GALNT13: variants seen among roughly 807,000 people sequenced by gnomAD.
GALNT13 encodes the protein UDP-GalNAc:polypeptide N-acetylgalactosaminyltransferase 13.
Under a neutral mutation model 64.2 loss-of-function variants are expected in GALNT13, and 28 were observed. The observed-to-expected ratio is 0.44, with a 90% CI of 0.32 to 0.60. The LOEUF is 0.60. GALNT13 is among the 20% of genes least tolerant of loss of function. The pLI is 0.05. For synonymous variants in GALNT13, 214 were observed against 224.6 expected (o/e 0.95, Z 0.42); for missense variants, 577 against 669.8 (o/e 0.86, Z 1.53).
the GALNT13 span, among the ~76,000 whole-genome samples, chr2:153,483,749 T>A: frequency 6.6e-6 from 1 of 152,202 alleles, no homozygotes; most frequent in African/African-American, 2.4e-5. Context: ...TTACAACATG[T>A]ATGAACCTTG....
upstream of GALNT13, among the ~76,000 whole-genome samples, chr2:153,870,038 T>C (rs188027688): frequency 6.4e-4 from 98 of 152,070 alleles, no homozygotes; most frequent in Non-Finnish European, 1.1e-3. Context: ...CTAATAAGTA[T>C]GCCACACCAG....
At chr2:153,180,029 T>C in the GALNT13 span, among the ~76,000 whole-genome samples, 1 of 152,160 alleles carries the variant, frequency 6.6e-6, no homozygotes, top group African/African-American at 2.4e-5. Context: ...TTCTTTCTAT[T>C]GCGTAATTGC....
At chr2:153,668,242 A>G in the GALNT13 span, among the ~76,000 whole-genome samples, 1 of 151,992 alleles carries the variant, frequency 6.6e-6, no homozygotes, top group East Asian at 1.9e-4. Context: ...TAAACACAAC[A>G]CTTGACCAAG....
At chr2:154,190,955 T>C (rs919549471) in intron 4 of GALNT13, among the ~76,000 whole-genome samples, 3 of 152,230 alleles carry the variant, frequency 2.0e-5, no homozygotes, top group Non-Finnish European at 4.4e-5. Context: ...GTGTATCTTA[T>C]ACTTAATGGA....
chr2:153,697,100 A>G, the GALNT13 span, among the ~76,000 whole-genome samples: 12 of 152,160 alleles, frequency 7.9e-5, no homozygotes, highest in Admixed American at 1.3e-4. Context: ...CTGTGATTTC[A>G]GAGGTAGTTC....
chr2:154,287,570 A>G (rs1385846578), intron 8 of GALNT13: 1 of 234,274 alleles, frequency 4.3e-6, no homozygotes, highest in Admixed American at 4.8e-5. Flanking sequence ...TGCTTGTTCT[A>G]CTTGGCTGTT....
At chr2:153,697,642 G>A in the GALNT13 span, among the ~76,000 whole-genome samples, 1 of 152,328 alleles carries the variant, frequency 6.6e-6, no homozygotes, top group Non-Finnish European at 1.5e-5. Context: ...TGTGTGTCTG[G>A]AGCTTAGCAA....
the GALNT13 span, among the ~76,000 whole-genome samples, chr2:153,761,036 A>G: frequency 2.0e-5 from 3 of 152,130 alleles, no homozygotes; most frequent in Non-Finnish European, 2.9e-5. Flanking sequence ...AAGTATAGCT[A>G]ACCTTGGTCT....
intron 3 of GALNT13, among the ~76,000 whole-genome samples, chr2:154,034,470 G>A (rs1280582356): frequency 6.6e-6 from 1 of 152,124 alleles, no homozygotes; most frequent in Admixed American, 6.5e-5. Flanking sequence ...GCATACAAGA[G>A]CAATTTTGTT....
the GALNT13 span, among the ~76,000 whole-genome samples, chr2:153,259,989 T>G: frequency 6.6e-6 from 1 of 152,168 alleles, no homozygotes; most frequent in African/African-American, 2.4e-5. Flanking sequence ...TTTTTTTAAT[T>G]TGAGTTTACC....
At chr2:153,578,735 C>A in the GALNT13 span, among the ~76,000 whole-genome samples, 72 of 152,238 alleles carry the variant, frequency 4.7e-4, no homozygotes, top group African/African-American at 1.6e-3. Flanking sequence ...GTTGGCCGAG[C>A]AGTATGAATG....
chr2:154,122,169 C>A (rs1574543408), intron 3 of GALNT13, among the ~76,000 whole-genome samples: 1 of 151,748 alleles, frequency 6.6e-6, no homozygotes, highest in Middle Eastern at 3.4e-3. Context: ...GTTGAATCGG[C>A]CATACATACC....
chr2:153,155,783 G>A, the GALNT13 span, among the ~76,000 whole-genome samples: 1 of 151,906 alleles, frequency 6.6e-6, no homozygotes, highest in Non-Finnish European at 1.5e-5. Context: ...TTTGCTCTTT[G>A]TTCTCTAGTT....
chr2:153,440,997 G>A, the GALNT13 span, among the ~76,000 whole-genome samples: 1 of 152,046 alleles, frequency 6.6e-6, no homozygotes, highest in Non-Finnish European at 1.5e-5. Flanking sequence ...ATTGCTTTTG[G>A]TGTTTTAGTC....
chr2:154,366,906 T>C (rs1697394932), intron 9 of GALNT13, among the ~76,000 whole-genome samples: 1 of 152,118 alleles, frequency 6.6e-6, no homozygotes, highest in Non-Finnish European at 1.5e-5. Context: ...GTGTCAAACA[T>C]TTAAGGTGAG....
the GALNT13 span, among the ~76,000 whole-genome samples, chr2:153,194,389 G>C: frequency 6.6e-6 from 1 of 151,994 alleles, no homozygotes; most frequent in African/African-American, 2.4e-5. Context: ...TTGAAGCTTT[G>C]AATTGTAATT....
intron 8 of GALNT13, among the ~76,000 whole-genome samples, chr2:154,266,102 C>T (rs1169816847): frequency 6.6e-6 from 1 of 152,040 alleles, no homozygotes; most frequent in African/African-American, 2.4e-5. Flanking sequence ...CAAACAAAAG[C>T]CCTGAGCAAA....
intron 4 of GALNT13, among the ~76,000 whole-genome samples, chr2:154,199,334 A>T (rs1384428292): frequency 6.6e-6 from 1 of 152,048 alleles, no homozygotes; most frequent in African/African-American, 2.4e-5. Context: ...AGGAAGTAGA[A>T]TAAAATATGC....
At chr2:153,277,257 C>T in the GALNT13 span, among the ~76,000 whole-genome samples, 1 of 152,138 alleles carries the variant, frequency 6.6e-6, no homozygotes, top group African/African-American at 2.4e-5. Context: ...TTTTTATGGG[C>T]ATGAGTACCC....
Sources: gnomAD v4.1 joint callset for allele counts (sites outside exome capture counted in the v4.1 genomes callset) on GRCh38, gnomAD v4.1.1 for gene constraint, MANE v1.5 for transcripts, NCBI Gene and HGNC (gene_info 2026-07-23, HGNC 2026-07-21) for gene names.